LMAN1: variants seen among roughly 807,000 people sequenced by gnomAD.
LMAN1 encodes the protein lectin, mannose binding 1.
In LMAN1, 32 loss-of-function variants were observed where a neutral mutation model predicts 67.8. The ratio of observed to expected loss-of-function variants is 0.47; its 90% CI spans 0.36 to 0.63. The LOEUF (loss-of-function observed/expected upper bound fraction) is 0.63, where lower values mean the gene tolerates loss of function less well. Ranked by LOEUF, LMAN1 falls within the 30% of genes least tolerant of loss-of-function variation. The pLI is 0.00. For synonymous variants in LMAN1, 235 were observed against 219.3 expected, an observed-to-expected ratio of 1.07 and a Z score of -0.63; for missense variants, 632 against 628.2, an observed-to-expected ratio of 1.01 and a Z score of -0.06.
chr18:59,359,112 G>A lies in LMAN1; in HGVS notation c.133C>T (p.Arg45Cys), dbSNP rs763816190. Residue 45 changes from arginine to cysteine, a missense_variant, in exon 1 of 13, where the codon CGT becomes TGT. Physicochemically the swap from Arg to Cys is radical, Grantham distance 180. Transcript: ENST00000251047. Reference protein sequence around the residue: ...GDPAVALPHRRFEYKYSFKGP... With the variant: ...GDPAVALPHRCFEYKYSFKGP... ...TTGAAGCTGTATTTGTACTCGAAAC[G>A]GCGATGTGGCAACGCGACCGCGGGG... 6 of 1,613,966 alleles carry A rather than the reference G, an allele frequency of 3.7e-6. No homozygotes were observed. Among genetic ancestry groups the A allele is most frequent in the Middle Eastern group, 1.6e-4 (1 of 6,084 alleles).
In LMAN1 at chr18:59,333,501, C is replaced by G; in HGVS notation, c.1221-257G>C. On this transcript the variant is annotated intron_variant, in intron 10 of 12. Coordinates refer to ENST00000251047, the MANE Select transcript of LMAN1 (RefSeq NM_005570.4). ...TACTACTAGGTAATCTGTGTTAAAACCAATAGTATAAGTGGATATTGAATA... is the reference window on the plus strand; with the variant it reads ...TACTACTAGGTAATCTGTGTTAAAAGCAATAGTATAAGTGGATATTGAATA... The G allele has an allele frequency of 4.9e-6, 2 of 411,448 alleles. 1 individual carries two copies. The highest frequency in any genetic ancestry group is 5.5e-5 in the South Asian group (2 of 36,508). 25.5% of individuals were successfully genotyped at this position (411,448 alleles called of 1,614,324 possible). A position where few individuals can be genotyped will look rare whatever the true frequency, so the allele number is the denominator to read the frequency against.
rs376435832 is a variant in LMAN1 at position 59,355,577 on chromosome 18, G to A, written c.296C>T (p.Ala99Val). 18 of 1,613,936 alleles carry A rather than the reference G, an allele frequency of 1.1e-5. No homozygotes were observed. The highest frequency in any genetic ancestry group is 2.2e-5 in the East Asian group (1 of 44,880). ...QRGSVWTKTK[A>V]AFENWEVEVT... ...CTCAACTTCCCAGTTCTCAAAGGCC[G>A]CTTTTGTCTTTGTCCACACTGAGCC... Residue 99 changes from alanine to valine, a missense_variant, in exon 2 of 13, where the codon GCG (alanine) becomes GTG (valine). Transcript: ENST00000251047.
chr18:59,345,181 G>A (rs1908371882), intron 8 of LMAN1, among the ~76,000 whole-genome samples: 2 of 152,134 alleles, frequency 1.3e-5, no homozygotes, highest in African/African-American at 2.4e-5. Context: ...ATCATTAAGA[G>A]AACTGCATAC....
chr18:59,332,672 G>A (rs1176908976), intron 11 of LMAN1, among the ~76,000 whole-genome samples: 1 of 152,102 alleles, frequency 6.6e-6, no homozygotes, highest in African/African-American at 2.4e-5. Flanking sequence ...AACCAGCAGA[G>A]TCAAAAACAT....
At chr18:59,345,159 C>T (rs939693399) in intron 8 of LMAN1, among the ~76,000 whole-genome samples, 1 of 152,158 alleles carries the variant, frequency 6.6e-6, no homozygotes, top group Non-Finnish European at 1.5e-5. Context: ...TTAAGTCTGA[C>T]TCATACTGTT....
At position 59,345,767 on chromosome 18, in the gene LMAN1, T is replaced by C. The variant is rs138555571; in HGVS notation, c.955+152A>G. ...TGCCAATCTCTTGACTCTTAAAGAC[T>C]AAAGATTTGCTCCTAAATTGTTTCC... On this transcript the variant is annotated intron_variant, in intron 8 of 12. Coordinates refer to ENST00000251047, the MANE Select transcript of LMAN1 (RefSeq NM_005570.4). 17 of 887,454 alleles carry C rather than the reference T, an allele frequency of 1.9e-5. No individual in the cohort carries two copies. In the African/African-American group the frequency reaches 2.8e-4, roughly 15 times the overall value. 55.0% of individuals were successfully genotyped at this position (887,454 alleles called of 1,614,324 possible).
chr18:59,354,152 A>C (rs1908607218), intron 4 of LMAN1, among the ~76,000 whole-genome samples: 1 of 152,214 alleles, frequency 6.6e-6, no homozygotes, highest in South Asian at 2.1e-4. Context: ...AAATTGCTTA[A>C]TCATCAGCCT....
chr18:59,337,766 T>A (rs995264171), intron 10 of LMAN1, among the ~76,000 whole-genome samples: 1 of 152,208 alleles, frequency 6.6e-6, no homozygotes, highest in African/African-American at 2.4e-5. Flanking sequence ...AAATATAAAT[T>A]TGCAGTTATA....
At chr18:59,335,325 C>T (rs1373201559) in intron 10 of LMAN1, among the ~76,000 whole-genome samples, 2 of 151,168 alleles carry the variant, frequency 1.3e-5, no homozygotes, top group African/African-American at 4.9e-5. Context: ...CCCAGCTAGG[C>T]GGGAGGCTGA....
chr18:59,336,289 G>C (rs368170170), intron 10 of LMAN1, among the ~76,000 whole-genome samples: 2 of 152,146 alleles, frequency 1.3e-5, no homozygotes, highest in African/African-American at 4.8e-5. Context: ...TGAGGGCAGA[G>C]AAAATACAAG....
chr18:59,340,437 CT>C (rs1467661740), intron 8 of LMAN1, among the ~76,000 whole-genome samples: 1 of 151,950 alleles, frequency 6.6e-6, no homozygotes, highest in African/African-American at 2.4e-5. Context: ...TAACAGCAGA[CT>C]TTTCAGCAGA....
intron 1 of LMAN1, 76 bp from the exon 2 acceptor site, chr18:59,355,734 A>C: frequency 6.8e-7 from 1 of 1,468,670 alleles, no homozygotes; most frequent in Admixed American, 1.7e-5. Flanking sequence ...AAACTGCTAA[A>C]TATACCTACA....
intron 8 of LMAN1, among the ~76,000 whole-genome samples, chr18:59,339,595 T>C (rs973562883): frequency 3.3e-5 from 5 of 152,148 alleles, no homozygotes; most frequent in Non-Finnish European, 5.9e-5. Context: ...GGAAACCACA[T>C]GGAATCCCAC....
intron 8 of LMAN1, among the ~76,000 whole-genome samples, chr18:59,341,295 AGATC>A (rs1413272398): frequency 6.6e-6 from 1 of 152,182 alleles, no homozygotes; most frequent in African/African-American, 2.4e-5. Flanking sequence ...AACACTAGAT[AGATC>A]GAGACAGAAA....
chr18:59,335,733 C>T lies in LMAN1; in HGVS notation c.1221-2489G>A, dbSNP rs557807865. Reference sequence around the variant, plus strand: ...TAGCTGGATCCTAAATGAGTAATATCAGCCATAATGAAAAGAGTAGGGAAA... The same window carrying T: ...TAGCTGGATCCTAAATGAGTAATATTAGCCATAATGAAAAGAGTAGGGAAA... On this transcript the variant is annotated intron_variant, in intron 10 of 12. Coordinates refer to ENST00000251047, the MANE Select transcript of LMAN1 (RefSeq NM_005570.4). Among the ~76,000 whole-genome samples, 463 of 152,198 alleles carry T rather than the reference C, an allele frequency of 3.0e-3. 3 individuals carry two copies. The highest frequency in any genetic ancestry group is 0.01 in the African/African-American group (428 of 41,506).
chr18:59,332,568 C>T (rs189126813), intron 11 of LMAN1, among the ~76,000 whole-genome samples: 103 of 152,116 alleles, frequency 6.8e-4, no homozygotes, highest in South Asian at 1.9e-3. Context: ...AGATAAAACG[C>T]GATATAAAAT....
At chr18:59,333,344 C>G in intron 10 of LMAN1, 100 bp from the exon 11 acceptor site, 2 of 806,572 alleles carry the variant, frequency 2.5e-6, no homozygotes, top group Non-Finnish European at 3.8e-6. Context: ...TAATATATTA[C>G]ATCATTTAAA....
At chr18:59,356,252 G>C (rs1014956745) in intron 1 of LMAN1, among the ~76,000 whole-genome samples, 2 of 152,126 alleles carry the variant, frequency 1.3e-5, no homozygotes, top group African/African-American at 4.8e-5. Flanking sequence ...ACTTCAAAAA[G>C]CAATTCTTCA....
chr18:59,328,764 A>G lies in LMAN1; in HGVS notation c.*2329T>C. On this transcript the variant is annotated 3_prime_UTR_variant, in exon 13 of 13. Coordinates refer to ENST00000251047, the MANE Select transcript of LMAN1 (RefSeq NM_005570.4). ...AACACTGATATCCCCTTAATACATA[A>G]CAAAACATTGTTTACTGTTTATGAC... 1 of 152,294 alleles carries G rather than the reference A, an allele frequency of 6.6e-6. No homozygotes were observed. The highest frequency in any genetic ancestry group is 1.9e-4 in the East Asian group (1 of 5,188). The allele number at this position is 152,294 out of a possible 1,614,324, so 9.4% of individuals were successfully genotyped here.
Sources: allele counts gnomAD v4.1 joint callset (sites outside exome capture counted in the v4.1 genomes callset), GRCh38; gene constraint gnomAD v4.1.1; transcripts MANE v1.5; gene names NCBI Gene and HGNC (gene_info 2026-07-23, HGNC 2026-07-21).